The following TNRC6A variants were observed in gnomAD, a reference collection of about 807,000 sequenced individuals.
The protein encoded by TNRC6A is trinucleotide repeat containing adaptor 6A.
Under a neutral mutation model 221.2 loss-of-function variants are expected in TNRC6A, and 44 were observed. That is an observed-to-expected ratio of 0.20 (90% confidence interval 0.16 to 0.26). The LOEUF is 0.26. TNRC6A is among the 10% of genes least tolerant of loss of function. TNRC6A has a pLI of 1.00. For synonymous variants in TNRC6A, 847 were observed against 838.5 expected (o/e 1.01, Z -0.18); for missense variants, 2,199 against 2,404.4 (o/e 0.91, Z 1.79).
intron 2 of TNRC6A, among the ~76,000 whole-genome samples, chr16:24,734,679 A>G (rs1251202378): frequency 3.3e-5 from 5 of 152,346 alleles, no homozygotes; most frequent in Admixed American, 2.0e-4. Flanking sequence ...TCCCATGTGC[A>G]GTATTTTATT....
At chr16:24,816,565 T>TA (rs2058663190) in intron 19 of TNRC6A, 6 of 434,804 alleles carry the variant, frequency 1.4e-5, no homozygotes, top group African/African-American at 6.0e-5. Flanking sequence ...GTGTATATGT[T>TA]ACGTGTGTGT....
At chr16:24,720,526 T>C (rs1461496242) in intron 2 of TNRC6A, among the ~76,000 whole-genome samples, 1 of 145,134 alleles carries the variant, frequency 6.9e-6, no homozygotes, top group African/African-American at 2.6e-5. Flanking sequence ...CCGTCTCTAC[T>C]AAAAATACAA....
intron 1 of TNRC6A, among the ~76,000 whole-genome samples, chr16:24,634,588 G>A (rs1402820097): frequency 2.0e-5 from 3 of 152,130 alleles, no homozygotes; most frequent in African/African-American, 7.2e-5. Flanking sequence ...CCACAGGTAT[G>A]ACTTATTCGG....
chr16:24,773,613 G>A (rs1304992838), intron 4 of TNRC6A, among the ~76,000 whole-genome samples: 1 of 152,126 alleles, frequency 6.6e-6, no homozygotes, highest in Non-Finnish European at 1.5e-5. Context: ...GATGTTACCT[G>A]TTTTCAAGAT....
chr16:24,790,144 G>A lies in TNRC6A; in HGVS notation c.1502G>A (p.Gly501Asp). Reference sequence around the variant, plus strand: ...ATGCAGGCTCCATCAGGTATGAATGGCACTTCCCTTTCTCACCTTAGCAAT... The same window carrying A: ...ATGCAGGCTCCATCAGGTATGAATGACACTTCCCTTTCTCACCTTAGCAAT... ...PQMQAPSGMN[G>D]TSLSHLSNGE... Residue 501 changes from glycine (G) to aspartate (D), a missense_variant, in exon 6 of 25, where the codon GGC becomes GAC. Gly to Asp is a moderately conservative substitution (Grantham distance 94, BLOSUM62 -1). Around this residue, in one of 8 missense-constraint regions of TNRC6A, gnomAD observed 1,405 missense variants for 1,400.2 expected, o/e 1.00. Coordinates refer to ENST00000395799, the MANE Select transcript of TNRC6A (RefSeq NM_014494.4). 1.9e-6 allele frequency: 3 copies of A among 1,614,224 alleles called. No homozygotes were observed. The highest frequency in any genetic ancestry group is 2.5e-6 in the Non-Finnish European group (3 of 1,180,038).
intron 4 of TNRC6A, among the ~76,000 whole-genome samples, chr16:24,766,660 T>A (rs1301667167): frequency 6.6e-6 from 1 of 150,444 alleles, no homozygotes; most frequent in African/African-American, 2.4e-5. Flanking sequence ...TCACTTGTAC[T>A]TTTTTCTTTT....
At position 24,781,043 on chromosome 16, in the gene TNRC6A, CT is replaced by C. The variant is rs35502747; in HGVS notation, c.589+3710del. Among the ~76,000 whole-genome samples the C allele has an allele frequency of 4.9e-3, 259 of 53,400 alleles. 1 individual carries two copies. Among genetic ancestry groups the C allele is most frequent in the African/African-American group, 0.02 (222 of 11,300 alleles). 35.0% of individuals were successfully genotyped at this position (53,400 alleles called of 152,430 possible). On this transcript the variant is annotated intron_variant, in intron 5 of 24. Coordinates refer to ENST00000395799, the MANE Select transcript of TNRC6A (RefSeq NM_014494.4). ...AAAAATTTTCTTAAGCCTCCATACT[CT>C]TTTTTTTTTTTTTTTTTTTTTTTTG...
At chr16:24,719,598 G>T (rs1258611048) in intron 2 of TNRC6A, among the ~76,000 whole-genome samples, 9 of 152,076 alleles carry the variant, frequency 5.9e-5, no homozygotes, top group Non-Finnish European at 2.9e-5. Context: ...GGCAGAGGTT[G>T]CAGTGAGCTG....
Position 24,643,718 on chromosome 16 carries a change from G to A in TNRC6A, n.402+2709G>A, listed in dbSNP as rs376374372. ...ACTGTCCCTTCCACCACCCCTCCCC[G>A]CCGCCCCATTAGTAGCAACAATACA... On this transcript the variant is annotated intron_variant and non_coding_transcript_variant, in intron 2 of 2. Transcript: ENST00000566108. Among the ~76,000 whole-genome samples the A allele has an allele frequency of 4.7e-4, 68 of 144,404 alleles. No homozygotes were observed. In the South Asian group the frequency reaches 0.012, roughly 25 times the overall value. 94.7% of individuals were successfully genotyped at this position (144,404 alleles called of 152,430 possible). A position where few individuals can be genotyped will look rare whatever the true frequency, so the allele number is the denominator to read the frequency against.
rs2058741927 is a variant in TNRC6A, at chr16:24,820,310, C to T, written c.5252C>T (p.Pro1751Leu). Residue 1751 changes from proline (P) to leucine (L), a missense_variant, in exon 22 of 25, where the codon CCC becomes CTC. Around this residue, in one of 8 missense-constraint regions of TNRC6A, gnomAD observed 449 missense variants for 579.7 expected, o/e 0.77. Coordinates refer to ENST00000395799, the MANE Select transcript of TNRC6A (RefSeq NM_014494.4). ...KPPLSTWDNSPLRIGGGWGNS... is the reference protein window; with the variant it reads ...KPPLSTWDNSLLRIGGGWGNS... ...CCCTTGTCTACGTGGGATAATTCTC[C>T]CCTTCGTATAGGTGGAGGATGGGGA... 4 of 1,614,040 alleles carry T rather than the reference C, an allele frequency of 2.5e-6. No homozygotes were observed. The highest frequency in any genetic ancestry group is 1.3e-5 in the African/African-American group (1 of 74,894).
At chr16:24,807,548 ACTGT>A (rs1362526969) in intron 17 of TNRC6A, among the ~76,000 whole-genome samples, 3 of 152,294 alleles carry the variant, frequency 2.0e-5, no homozygotes, top group Admixed American at 6.5e-5. Flanking sequence ...AGTTTTAACT[ACTGT>A]CTAACTATGT....
intron 5 of TNRC6A, among the ~76,000 whole-genome samples, chr16:24,784,302 A>G (rs1165358197): frequency 6.6e-6 from 1 of 152,030 alleles, no homozygotes; most frequent in Non-Finnish European, 1.5e-5. Context: ...GTGCCCAGCC[A>G]ACACTTTTTA....
chr16:24,675,163 T>G (rs2055383242), intron 2 of TNRC6A, among the ~76,000 whole-genome samples: 1 of 151,648 alleles, frequency 6.6e-6, no homozygotes, highest in Non-Finnish European at 1.5e-5. Context: ...AAAAACATTC[T>G]CCAACCAACA....
intron 18 of TNRC6A, among the ~76,000 whole-genome samples, chr16:24,814,189 G>A (rs1435667790): frequency 6.6e-6 from 1 of 152,064 alleles, no homozygotes; most frequent in Non-Finnish European, 1.5e-5. Context: ...TACCCATGTG[G>A]ATGCTGGCAC....
intron 2 of TNRC6A, among the ~76,000 whole-genome samples, chr16:24,641,318 T>C (rs1284953737): frequency 6.6e-6 from 1 of 152,158 alleles, no homozygotes; most frequent in Non-Finnish European, 1.5e-5. Context: ...CCATGCTCTT[T>C]CTGATATGAT....
At chr16:24,676,081 T>C (rs2055415484) in intron 2 of TNRC6A, among the ~76,000 whole-genome samples, 2 of 151,980 alleles carry the variant, frequency 1.3e-5, no homozygotes, top group African/African-American at 4.8e-5. Flanking sequence ...CATTTAATTC[T>C]GATAATGCCT....
At chr16:24,708,875 A>G (rs2056149912) in intron 2 of TNRC6A, among the ~76,000 whole-genome samples, 1 of 152,180 alleles carries the variant, frequency 6.6e-6, no homozygotes, top group South Asian at 2.1e-4. Flanking sequence ...CACATATGCC[A>G]TATTTTCTTT....
chr16:24,799,850 G>A (rs939632853), intron 11 of TNRC6A, among the ~76,000 whole-genome samples: 1 of 152,148 alleles, frequency 6.6e-6, no homozygotes, highest in African/African-American at 2.4e-5. Flanking sequence ...TGAGCCCCCA[G>A]TTGTCCTTGC....
intron 2 of TNRC6A, among the ~76,000 whole-genome samples, chr16:24,667,361 A>T (rs539249085): frequency 6.6e-6 from 1 of 152,302 alleles, no homozygotes; most frequent in East Asian, 1.9e-4. Context: ...AACAACAGGG[A>T]TCCCAAAGTA....
Sources: allele counts gnomAD v4.1 joint callset (sites outside exome capture counted in the v4.1 genomes callset), GRCh38; gene constraint gnomAD v4.1.1; regional missense constraint gnomAD v4.1.1; transcripts MANE v1.5; gene names NCBI Gene and HGNC (gene_info 2026-07-23, HGNC 2026-07-21).